The following MPHOSPH9 variants were observed in gnomAD, a reference collection of about 807,000 sequenced individuals.
MPHOSPH9 encodes the protein M-phase phosphoprotein 9.
MPHOSPH9 carries 88 observed loss-of-function variants against 145.5 expected under a neutral mutation model. That is an observed-to-expected ratio of 0.60 (90% CI 0.51 to 0.72). The LOEUF (loss-of-function observed/expected upper bound fraction) is 0.72. MPHOSPH9 is among the 30% of genes least tolerant of loss of function. The probability of loss-of-function intolerance (pLI) is 0.00; values close to 1 mark genes in which losing one functional copy is unlikely to be tolerated. For synonymous variants in MPHOSPH9, 435 were observed against 486.2 expected (o/e 0.89, Z 1.39); for missense variants, 1,238 against 1,386.6 (o/e 0.89, Z 1.70).
upstream of MPHOSPH9, among the ~76,000 whole-genome samples, chr12:123,235,954 C>T (rs2047844065): frequency 1.3e-5 from 2 of 151,976 alleles, no homozygotes; most frequent in South Asian, 2.1e-4. Context: ...ATCCCAGCTA[C>T]TTGGGAGGCT....
At chr12:123,203,681 C>A (rs74240769) in intron 8 of MPHOSPH9, among the ~76,000 whole-genome samples, 7,195 of 152,062 alleles carry the variant, frequency 0.047, 314 homozygotes, top group East Asian at 0.27. Flanking sequence ...AAAATAAGAA[C>A]CAAGTTTTCT....
intron 13 of MPHOSPH9, 124 bp downstream of exon 13, chr12:123,194,262 C>A: frequency 1.5e-6 from 1 of 678,176 alleles, no homozygotes; most frequent in Non-Finnish European, 2.4e-6. Flanking sequence ...GAGTGAGACT[C>A]TGTCTCAAAA....
At chr12:123,179,566 C>T (rs1172504015) in intron 15 of MPHOSPH9, among the ~76,000 whole-genome samples, 1 of 151,852 alleles carries the variant, frequency 6.6e-6, no homozygotes, top group African/African-American at 2.4e-5. Context: ...CAGAGTAAGA[C>T]TCTGTATCAA....
rs1441717493 is a variant in MPHOSPH9 at position 123,155,431 on chromosome 12, G to A, written c.*1376C>T. 2 of 152,122 alleles carry A rather than the reference G, an allele frequency of 1.3e-5. No individual in the cohort carries two copies. The highest frequency in any genetic ancestry group is 2.9e-5 in the Non-Finnish European group (2 of 68,014). 9.4% of individuals were successfully genotyped at this position (152,122 alleles called of 1,614,324 possible). On this transcript the variant is annotated 3_prime_UTR_variant, in exon 24 of 24. Coordinates refer to ENST00000606320, the MANE Select transcript of MPHOSPH9 (RefSeq NM_022782.4). Reference sequence around the variant, plus strand: ...TGAAGGGTGCTCAAAGGTCATTTGAGAGCCTGCTTGGAATAACTGGGATGG... The same window carrying A: ...TGAAGGGTGCTCAAAGGTCATTTGAAAGCCTGCTTGGAATAACTGGGATGG...
At chr12:123,225,872 C>T (rs766802678) in intron 3 of MPHOSPH9, among the ~76,000 whole-genome samples, 1 of 152,126 alleles carries the variant, frequency 6.6e-6, no homozygotes, top group Non-Finnish European at 1.5e-5. Flanking sequence ...CCCTTCTCTA[C>T]TAAAAATACA....
intron 3 of MPHOSPH9, among the ~76,000 whole-genome samples, chr12:123,224,646 G>C (rs2047363988): frequency 1.3e-5 from 2 of 152,172 alleles, no homozygotes; most frequent in African/African-American, 4.8e-5. Flanking sequence ...AAGCTGGGGG[G>C]ACATCACTGG....
At chr12:123,195,832 G>A (rs954642731) in intron 12 of MPHOSPH9, among the ~76,000 whole-genome samples, 1 of 152,008 alleles carries the variant, frequency 6.6e-6, no homozygotes, top group Admixed American at 6.6e-5. Flanking sequence ...TAGAGCCCAG[G>A]AGTTTAAGAC....
At chr12:123,158,123 G>T (rs1283855275) in intron 23 of MPHOSPH9, among the ~76,000 whole-genome samples, 1 of 152,006 alleles carries the variant, frequency 6.6e-6, no homozygotes, top group African/African-American at 2.4e-5. Flanking sequence ...AAAAGTAGCT[G>T]GGATTACAGG....
intron 3 of MPHOSPH9, among the ~76,000 whole-genome samples, chr12:123,226,659 C>T (rs963494917): frequency 4.0e-5 from 6 of 151,774 alleles, no homozygotes; most frequent in Middle Eastern, 3.2e-3. Context: ...GACAGGGTCT[C>T]AGTCTGTCAC....
intron 12 of MPHOSPH9, among the ~76,000 whole-genome samples, chr12:123,195,080 GC>G (rs2045885539): frequency 2.0e-5 from 3 of 152,122 alleles, no homozygotes; most frequent in African/African-American, 7.2e-5. Context: ...TGGAATACCA[GC>G]CCCTGACATT....
intron 1 of MPHOSPH9, among the ~76,000 whole-genome samples, chr12:123,239,769 AT>A (rs986169238): frequency 9.9e-5 from 15 of 151,712 alleles, no homozygotes; most frequent in East Asian, 3.9e-4. Flanking sequence ...GACATTTTTT[AT>A]TTTTTTTTCC....
rs182360831 is a variant in MPHOSPH9 at position 123,183,200 on chromosome 12, C to T, written c.2242-1990G>A. Among the ~76,000 whole-genome samples the T allele has an allele frequency of 8.6e-4, 130 of 151,592 alleles. 2 individuals are homozygous for T. The highest frequency in any genetic ancestry group is 2.7e-3 in the African/African-American group (113 of 41,360). ...ATGAAGAAATTAAAGAGAAAACAAA[C>T]GAGGTGACAGTAACAGGTGAGAGAT... is the stretch of plus-strand genomic sequence containing the variant. On this transcript the variant is annotated intron_variant, in intron 13 of 23. Coordinates refer to ENST00000606320, the MANE Select transcript of MPHOSPH9 (RefSeq NM_022782.4).
rs1944483959 is a variant in MPHOSPH9 at position 123,210,084 on chromosome 12, A to G, written c.1166T>C (p.Leu389Ser). The change falls in exon 8 of 24, where the codon TTG (leucine) becomes TCG (serine). Residue 389 changes from leucine to serine, a missense_variant. Coordinates refer to ENST00000606320, the MANE Select transcript of MPHOSPH9 (RefSeq NM_022782.4). ...GTTTGGTGACACATCTGTGGAAGAC[A>G]ATGATATGAACGTCTTCTCTAAAGT... ...PETLEKTFIS[L>S]SSTDVSPNQS... 3 of 1,611,062 alleles carry G rather than the reference A, an allele frequency of 1.9e-6. No individual in the cohort carries two copies. In the South Asian group the frequency reaches 3.3e-5, roughly 18 times the overall value.
intron 21 of MPHOSPH9, 93 bp downstream of exon 21, chr12:123,162,022 C>A: frequency 1.4e-6 from 1 of 731,684 alleles, no homozygotes. Context: ...TATTTAAGTG[C>A]AAGATATTAT....
At chr12:123,165,590 G>C (rs2044285442) in intron 17 of MPHOSPH9, 113 bp from the exon 18 acceptor site, 1 of 980,690 alleles carries the variant, frequency 1.0e-6, no homozygotes, top group South Asian at 1.6e-5. Flanking sequence ...GTGATGGTGT[G>C]TGGAGGTGGG....
chr12:123,192,632 A>C (rs1422187661), intron 13 of MPHOSPH9, among the ~76,000 whole-genome samples: 2 of 98,860 alleles, frequency 2.0e-5, no homozygotes, highest in East Asian at 5.8e-4. Flanking sequence ...CCGTCTCAAA[A>C]AAAAAAAAAA....
In MPHOSPH9 at chr12:123,194,543, C is replaced by T. The variant is rs749008721; in HGVS notation, c.2084G>A (p.Arg695Gln). ...ACTGCTTGTTCTCATTTCTTCAATT[C>T]GTTCCTGCAAAATTTTGGAAGCACT... is the stretch of plus-strand genomic sequence containing the variant. ...ASSASKILQE[R>Q]IEEMRTSSKE... is the part of the protein sequence containing the mutation. The change falls in exon 13 of 24, where the codon CGA (arginine) becomes CAA (glutamine). Residue 695 changes from arginine (R) to glutamine (Q), a missense_variant. Around this residue, in one of 3 missense-constraint regions of MPHOSPH9, gnomAD observed 837 missense variants for 897.5 expected, o/e 0.93. Transcript: ENST00000606320. 3.7e-5 allele frequency: 60 copies of T among 1,612,818 alleles called. 1 individual carries two copies. In the South Asian group the frequency reaches 5.9e-4, roughly 16 times the overall value.
At chr12:123,190,326 G>A (rs879735996) in intron 13 of MPHOSPH9, among the ~76,000 whole-genome samples, 2 of 151,838 alleles carry the variant, frequency 1.3e-5, no homozygotes, top group African/African-American at 2.4e-5. Flanking sequence ...CTAATTTTTT[G>A]TATTTTTAGT....
chr12:123,195,807 C>G (rs1351378624), intron 12 of MPHOSPH9, among the ~76,000 whole-genome samples: 1 of 152,116 alleles, frequency 6.6e-6, no homozygotes, highest in Non-Finnish European at 1.5e-5. Flanking sequence ...AATCCCAGCA[C>G]TTTGGGAGGA....
Sources: allele counts gnomAD v4.1 joint callset (sites outside exome capture counted in the v4.1 genomes callset), GRCh38; gene constraint gnomAD v4.1.1; regional missense constraint gnomAD v4.1.1; transcripts MANE v1.5; gene names NCBI Gene and HGNC (gene_info 2026-07-23, HGNC 2026-07-21).